Variants in EPHA6 observed in about 807,000 individuals in gnomAD.
EPHA6 encodes the protein ephrin type-A receptor 6.
EPHA6 carries 50 observed loss-of-function variants against 112.0 expected under a neutral mutation model. The observed-to-expected ratio is 0.45, with a 90% confidence interval of 0.36 to 0.56. The LOEUF (loss-of-function observed/expected upper bound fraction) is 0.56. Among genes scored for constraint, EPHA6 ranks in the 20% least tolerant of loss-of-function variants. The pLI is 0.00. For synonymous variants in EPHA6, 529 were observed against 490.7 expected (o/e 1.08, Z -1.03); for missense variants, 1,280 against 1,417.4 (o/e 0.90, Z 1.56).
chr3:97,495,106 T>C (rs1456334082), intron 10 of EPHA6, among the ~76,000 whole-genome samples: 1 of 152,186 alleles, frequency 6.6e-6, no homozygotes, highest in African/African-American at 2.4e-5. Flanking sequence ...CCACGCGCTG[T>C]TGGCATAGGG....
intron 13 of EPHA6, among the ~76,000 whole-genome samples, chr3:97,614,080 T>C (rs1443029584): frequency 1.3e-5 from 2 of 152,158 alleles, no homozygotes; most frequent in Non-Finnish European, 2.9e-5. Flanking sequence ...AAACTAAGTA[T>C]AGCTATAGAA....
chr3:97,468,584 G>A (rs746343473), intron 7 of EPHA6, among the ~76,000 whole-genome samples: 6 of 151,040 alleles, frequency 4.0e-5, no homozygotes, highest in Non-Finnish European at 5.9e-5. Flanking sequence ...CAAAGCCTAG[G>A]CAGGGATATT....
intron 14 of EPHA6, among the ~76,000 whole-genome samples, chr3:97,656,050 G>A (rs1196512603): frequency 1.3e-5 from 2 of 151,746 alleles, no homozygotes; most frequent in African/African-American, 4.8e-5. Flanking sequence ...GTAAACGAAA[G>A]TATTCTACAG....
intron 16 of EPHA6, among the ~76,000 whole-genome samples, chr3:97,739,182 T>C (rs929187799): frequency 6.6e-6 from 1 of 152,104 alleles, no homozygotes; most frequent in African/African-American, 2.4e-5. Context: ...ATATGTAGAA[T>C]TTCCATCTTT....
chr3:97,154,924 T>C (rs1482733796), intron 3 of EPHA6, among the ~76,000 whole-genome samples: 1 of 152,188 alleles, frequency 6.6e-6, no homozygotes, highest in Non-Finnish European at 1.5e-5. Flanking sequence ...TTCATCTGAA[T>C]ATATAAATTA....
intron 3 of EPHA6, among the ~76,000 whole-genome samples, chr3:97,100,855 A>G (rs2108259750): frequency 6.6e-6 from 1 of 152,118 alleles, no homozygotes; most frequent in South Asian, 2.1e-4. Context: ...TCCTAATATT[A>G]ACCACTCCCT....
At chr3:97,547,537 G>T (rs1346880537) in intron 11 of EPHA6, among the ~76,000 whole-genome samples, 1 of 152,202 alleles carries the variant, frequency 6.6e-6, no homozygotes, top group Non-Finnish European at 1.5e-5. Flanking sequence ...GAGGCAGTCT[G>T]CCTGTTCTCA....
intron 3 of EPHA6, among the ~76,000 whole-genome samples, chr3:97,210,161 T>G (rs1316114857): frequency 1.3e-5 from 2 of 152,188 alleles, no homozygotes; most frequent in Non-Finnish European, 2.9e-5. Flanking sequence ...TAGTTCGTTC[T>G]TACACTGTTA....
intron 3 of EPHA6, among the ~76,000 whole-genome samples, chr3:97,214,789 A>C (rs2077987601): frequency 6.6e-6 from 1 of 152,200 alleles, no homozygotes; most frequent in Non-Finnish European, 1.5e-5. Context: ...ACTGGATGCT[A>C]TGAGGTTATT....
intron 14 of EPHA6, among the ~76,000 whole-genome samples, chr3:97,700,771 A>G (rs1029821493): frequency 2.6e-5 from 4 of 152,208 alleles, no homozygotes; most frequent in East Asian, 1.9e-4. Context: ...ATTACAAAAT[A>G]TTCAGTTCTG....
At chr3:97,681,774 G>A (rs985022571) in intron 14 of EPHA6, among the ~76,000 whole-genome samples, 2 of 151,864 alleles carry the variant, frequency 1.3e-5, no homozygotes, top group Admixed American at 6.6e-5. Context: ...CCTTAAAAAG[G>A]CAGCATTACA....
At chr3:97,383,920 G>A (rs898608392) in intron 5 of EPHA6, among the ~76,000 whole-genome samples, 3 of 152,026 alleles carry the variant, frequency 2.0e-5, no homozygotes, top group Non-Finnish European at 4.4e-5. Context: ...TTCCAAGGTA[G>A]CAAATGCATA....
chr3:97,007,028 T>G (rs909675513), intron 3 of EPHA6, among the ~76,000 whole-genome samples: 1 of 152,182 alleles, frequency 6.6e-6, no homozygotes, highest in Non-Finnish European at 1.5e-5. Context: ...TCCAATTATG[T>G]GGTCGATTTT....
At chr3:96,830,489 T>G (rs2033991943) in intron 1 of EPHA6, among the ~76,000 whole-genome samples, 1 of 152,066 alleles carries the variant, frequency 6.6e-6, no homozygotes, top group Non-Finnish European at 1.5e-5. Context: ...TAATGGAATT[T>G]ATATGGACGT....
chr3:97,537,540 A>C (rs1483104724), intron 11 of EPHA6, among the ~76,000 whole-genome samples: 2 of 152,128 alleles, frequency 1.3e-5, no homozygotes, highest in Non-Finnish European at 2.9e-5. Context: ...AAATTTATTC[A>C]TTCAGCAAAT....
At chr3:96,871,173 T>C (rs1404789530) in intron 2 of EPHA6, among the ~76,000 whole-genome samples, 2 of 152,014 alleles carry the variant, frequency 1.3e-5, no homozygotes, top group Non-Finnish European at 2.9e-5. Flanking sequence ...AAGAAATGCA[T>C]TAGGTTTTGT....
intron 5 of EPHA6, among the ~76,000 whole-genome samples, chr3:97,368,573 T>A (rs918479636): frequency 6.6e-6 from 1 of 152,190 alleles, no homozygotes; most frequent in African/African-American, 2.4e-5. Flanking sequence ...ATGGTACTTA[T>A]ATTTGCTACA....
chr3:97,082,923 T>C (rs1253197806), intron 3 of EPHA6, among the ~76,000 whole-genome samples: 1 of 151,886 alleles, frequency 6.6e-6, no homozygotes, highest in East Asian at 1.9e-4. Context: ...TGACTAAATT[T>C]ATAGCCTCAC....
intron 2 of EPHA6, among the ~76,000 whole-genome samples, chr3:96,972,045 T>G (rs2107786370): frequency 6.6e-6 from 1 of 152,246 alleles, no homozygotes; most frequent in Non-Finnish European, 1.5e-5. Flanking sequence ...CTTTTACTTT[T>G]GGGAAAAAAT....
Sources: allele counts gnomAD v4.1 joint callset (sites outside exome capture counted in the v4.1 genomes callset), GRCh38; gene constraint gnomAD v4.1.1; transcripts MANE v1.5; gene names NCBI Gene and HGNC (gene_info 2026-07-23, HGNC 2026-07-21).